ANKRD13C: variants seen among roughly 807,000 people sequenced by gnomAD.
ANKRD13C encodes the protein ankyrin repeat domain-containing protein 13C.
Under a neutral mutation model 65.5 loss-of-function variants are expected in ANKRD13C, and 16 were observed. The observed-to-expected ratio is 0.24, with a 90% CI of 0.17 to 0.37. ANKRD13C has a LOEUF of 0.37. Among genes scored for constraint, ANKRD13C ranks in the 10% least tolerant of loss-of-function variants. The pLI, the probability that ANKRD13C is intolerant of heterozygous loss-of-function variation, is 1.00. For missense variants in ANKRD13C, 503 were observed against 655.9 expected (o/e 0.77, Z 2.55); for synonymous variants, 235 against 238.7 (o/e 0.98, Z 0.14).
rs57480626 is a variant in ANKRD13C, at chr1:70,339,631, T to C, written c.431-3532A>G. ...ACCGCGCTCGGCCTTCTAATTCCTT[T>C]TTATGTGCATTTTGACAAACTAAAT... On this transcript the variant is annotated intron_variant, in intron 1 of 12. Transcript: ENST00000370944. Among the ~76,000 whole-genome samples, 806 of 152,020 alleles carry C rather than the reference T, an allele frequency of 5.3e-3. 9 individuals are homozygous for C. Among genetic ancestry groups the C allele is most frequent in the African/African-American group, 0.019 (777 of 41,486 alleles).
chr1:70,318,733 A>G (rs1681179151), intron 3 of ANKRD13C, among the ~76,000 whole-genome samples: 2 of 138,356 alleles, frequency 1.4e-5, no homozygotes, highest in Non-Finnish European at 1.5e-5. Context: ...GCCAGGCTGG[A>G]ATGCAGCGGC....
chr1:70,339,129 G>C (rs1488027546), intron 1 of ANKRD13C, among the ~76,000 whole-genome samples: 2 of 151,214 alleles, frequency 1.3e-5, no homozygotes, highest in Non-Finnish European at 1.5e-5. Context: ...AGAATCGCTT[G>C]AGTCCGGGTG....
At chr1:70,289,306 A>T (rs1355962099) in intron 9 of ANKRD13C, among the ~76,000 whole-genome samples, 1 of 152,208 alleles carries the variant, frequency 6.6e-6, no homozygotes, top group African/African-American at 2.4e-5. Flanking sequence ...ATTCAAATAC[A>T]TCCGGTTACA....
intron 2 of ANKRD13C, among the ~76,000 whole-genome samples, chr1:70,329,419 G>A (rs1233939994): frequency 2.6e-5 from 4 of 152,064 alleles, no homozygotes; most frequent in Non-Finnish European, 4.4e-5. Context: ...TACTCATGAG[G>A]CTGAGGCAGG....
rs752072476 is a variant in ANKRD13C at position 70,300,885 on chromosome 1, A to T, written c.800T>A (p.Phe267Tyr). The T allele has an allele frequency of 6.2e-7, 1 of 1,613,522 alleles. No individual in the cohort carries two copies. The highest frequency in any genetic ancestry group is 8.5e-7 in the Non-Finnish European group (1 of 1,179,872). The change falls in exon 7 of 13, where the codon TTT becomes TAT. Residue 267 changes from phenylalanine (F) to tyrosine (Y), a missense_variant. Physicochemically the swap from Phe to Tyr is conservative, Grantham distance 22. This residue lies in a region of ANKRD13C where 300 missense variants were observed against 478.3 expected (regional missense o/e 0.63). Transcript: ENST00000370944. ...CCCTCGTTGGCACTTCATGTCAGTA[A>T]AGTCTATGAGAGTTGTGTCAAGCCT... ...NIRLDTTLIDFTDMKCQRGDL... is the reference protein window; with the variant it reads ...NIRLDTTLIDYTDMKCQRGDL...
chr1:70,283,718 G>T (rs1679500672), intron 9 of ANKRD13C, among the ~76,000 whole-genome samples: 1 of 152,032 alleles, frequency 6.6e-6, no homozygotes, highest in African/African-American at 2.4e-5. Flanking sequence ...TGAGGCAGGA[G>T]AATTGCTTGG....
chr1:70,319,184 A>T (rs1681200141), intron 3 of ANKRD13C, among the ~76,000 whole-genome samples: 1 of 152,172 alleles, frequency 6.6e-6, no homozygotes, highest in Non-Finnish European at 1.5e-5. Context: ...GGTTTTGCAG[A>T]GACTGGAAAT....
Position 70,313,736 on chromosome 1 carries a change from T to A in ANKRD13C, c.709+9A>T. 1 of 1,600,382 alleles carries A rather than the reference T, an allele frequency of 6.2e-7. No homozygotes were observed. Among genetic ancestry groups the A allele is most frequent in the Non-Finnish European group, 8.6e-7 (1 of 1,168,732 alleles). On this transcript the variant is annotated intron_variant, in intron 5 of 12. Transcript: ENST00000370944. Reference sequence around the variant, plus strand: ...ACATATTTTATACTAAAACATAGCATACTCTTACCCCAGCTTTGAAAATCC... The same window carrying A: ...ACATATTTTATACTAAAACATAGCAAACTCTTACCCCAGCTTTGAAAATCC...
intron 2 of ANKRD13C, among the ~76,000 whole-genome samples, chr1:70,325,832 T>C (rs1234954872): frequency 1.3e-5 from 2 of 151,846 alleles, no homozygotes; most frequent in Admixed American, 6.6e-5. Context: ...TGAGCCAAGA[T>C]TGCGTCACTG....
intron 5 of ANKRD13C, 107 bp downstream of exon 5, chr1:70,313,638 C>G (rs1184169021): frequency 1.3e-6 from 1 of 794,852 alleles, no homozygotes; most frequent in East Asian, 2.6e-5. Flanking sequence ...CTTTTCCTCA[C>G]AGCAAGTATT....
At chr1:70,307,769 C>T (rs1334035279) in intron 5 of ANKRD13C, among the ~76,000 whole-genome samples, 1 of 151,994 alleles carries the variant, frequency 6.6e-6, no homozygotes. Flanking sequence ...CATAGCAAGA[C>T]CCTGTCTCTA....
Position 70,260,928 on chromosome 1 carries a change from C to T in ANKRD13C, c.*1789G>A, listed in dbSNP as rs185923282. The stretch of plus-strand genomic sequence containing the variant: ...TATATAGCATATTCCTGAAAGTATA[C>T]CATATTCCTACAAAGTAAGGGAGCC... On this transcript the variant is annotated 3_prime_UTR_variant, in exon 13 of 13. Transcript: ENST00000370944. 2 of 152,116 alleles carry T rather than the reference C, an allele frequency of 1.3e-5. No individual in the cohort carries two copies. The highest frequency in any genetic ancestry group is 1.3e-4 in the Admixed American group (2 of 15,252). The allele number at this position is 152,116 out of a possible 1,614,324, so 9.4% of individuals were successfully genotyped here. A position where few individuals can be genotyped will look rare whatever the true frequency, so the allele number is the denominator to read the frequency against.
In ANKRD13C at chr1:70,354,153, T is replaced by C; in HGVS notation, c.256A>G (p.Thr86Ala). 6.2e-7 allele frequency: 1 copy of C among 1,614,094 alleles called. No homozygotes were observed. Among genetic ancestry groups the C allele is most frequent in the Non-Finnish European group, 8.5e-7 (1 of 1,179,982 alleles). ...AGGGCCGGGGACTGGGAGTTGGCAG[T>C]CACGGAGGAATTGTGCAGCGGCAGA... ...PALPLHNSSV[T>A]ANSQSPALLA... is the part of the protein sequence containing the mutation. Residue 86 changes from threonine (T) to alanine (A), a missense_variant, in exon 1 of 13, where the codon ACT (threonine) becomes GCT (alanine). Thr to Ala is a moderately conservative substitution (Grantham distance 58). This residue lies in a region of ANKRD13C where 203 missense variants were observed against 177.6 expected (regional missense o/e 1.14). Transcript: ENST00000370944.
intron 2 of ANKRD13C, among the ~76,000 whole-genome samples, chr1:70,329,793 A>T (rs1328063432): frequency 2.0e-5 from 3 of 148,988 alleles, no homozygotes; most frequent in Non-Finnish European, 3.0e-5. Context: ...CTTATAATTT[A>T]AAAAAAAAAG....
intron 8 of ANKRD13C, chr1:70,293,574 A>G (rs1246122926): frequency 2.0e-6 from 2 of 984,960 alleles, no homozygotes; most frequent in African/African-American, 3.5e-5. Context: ...GTACTAGATG[A>G]TTAGCAGTTT....
In ANKRD13C at chr1:70,354,659, G is replaced by C; in HGVS notation, c.-251C>G. 1.1e-6 allele frequency: 1 copy of C among 891,780 alleles called. No homozygotes were observed. The highest frequency in any genetic ancestry group is 2.7e-5 in the East Asian group (1 of 37,372). 55.2% of individuals were successfully genotyped at this position (891,780 alleles called of 1,614,324 possible). A position where few individuals can be genotyped will look rare whatever the true frequency, so the allele number is the denominator to read the frequency against. ...CCCACGACACCAGGATCTCAGTCTCGCCGTCGCAGCCGCCGTCGCTGCCTT... is the reference window on the plus strand; with the variant it reads ...CCCACGACACCAGGATCTCAGTCTCCCCGTCGCAGCCGCCGTCGCTGCCTT... On this transcript the variant is annotated 5_prime_UTR_variant, in exon 1 of 13. Transcript: ENST00000370944.
chr1:70,348,552 G>A (rs1035582961), intron 1 of ANKRD13C, among the ~76,000 whole-genome samples: 1 of 152,166 alleles, frequency 6.6e-6, no homozygotes. Flanking sequence ...CAGGCGTGGT[G>A]AGCCACCATG....
chr1:70,287,530 T>C (rs1441603663), intron 9 of ANKRD13C, among the ~76,000 whole-genome samples: 1 of 152,104 alleles, frequency 6.6e-6, no homozygotes, highest in East Asian at 1.9e-4. Context: ...AACCTGGAGC[T>C]AGGCAAAAAG....
chr1:70,282,314 C>A (rs1165129832), intron 9 of ANKRD13C, among the ~76,000 whole-genome samples: 2 of 151,778 alleles, frequency 1.3e-5, no homozygotes, highest in African/African-American at 4.8e-5. Flanking sequence ...CTCAGCCTCC[C>A]AAAGTGCTGG....
Sources: allele counts gnomAD v4.1 joint callset (sites outside exome capture counted in the v4.1 genomes callset), GRCh38; gene constraint gnomAD v4.1.1; regional missense constraint gnomAD v4.1.1; transcripts MANE v1.5; gene names NCBI Gene and HGNC (gene_info 2026-07-23, HGNC 2026-07-21).